LSAMP: variants seen among roughly 807,000 people sequenced by gnomAD.
LSAMP encodes limbic system-associated membrane protein.
Under a neutral mutation model 38.6 loss-of-function variants are expected in LSAMP, and 7 were observed. That is an observed-to-expected ratio of 0.18 (90% confidence interval 0.10 to 0.34). LSAMP has a LOEUF of 0.34. Among genes scored for constraint, LSAMP ranks in the 10% least tolerant of loss-of-function variants. The probability of loss-of-function intolerance (pLI) is 1.00; values close to 1 mark genes in which losing one functional copy is unlikely to be tolerated. For synonymous variants in LSAMP, 154 were observed against 166.8 expected (o/e 0.92, Z 0.59); for missense variants, 313 against 420.0 (o/e 0.75, Z 2.23).
chr3:116,420,924 T>C (rs1192002471), intron 1 of LSAMP, among the ~76,000 whole-genome samples: 1 of 152,154 alleles, frequency 6.6e-6, no homozygotes, highest in East Asian at 1.9e-4. Context: ...AAAGCAATTA[T>C]ATAGAGGAAA....
In LSAMP at chr3:115,807,340, C is replaced by G. The variant is rs1472941470; in HGVS notation, c.*2977G>C. The G allele has an allele frequency of 6.6e-6, 1 of 152,054 alleles. No individual in the cohort carries two copies. The highest frequency in any genetic ancestry group is 1.9e-4 in the East Asian group (1 of 5,178). 9.4% of individuals were successfully genotyped at this position (152,054 alleles called of 1,614,324 possible). A position where few individuals can be genotyped will look rare whatever the true frequency, so the allele number is the denominator to read the frequency against. ...TTTTCTCTGAAACAGGAACCAGAAG[C>G]AAATTTTTAAAATTTCAAGATCCTG... On this transcript the variant is annotated 3_prime_UTR_variant, in exon 7 of 7. Coordinates refer to ENST00000490035, the MANE Select transcript of LSAMP (RefSeq NM_002338.5).
chr3:116,275,358 G>A (rs530792123), intron 1 of LSAMP, among the ~76,000 whole-genome samples: 47 of 152,054 alleles, frequency 3.1e-4, no homozygotes, highest in African/African-American at 8.0e-4. Context: ...CTGCCCCACC[G>A]CCCACATTTT....
At chr3:116,109,290 G>A (rs1473263371) in intron 1 of LSAMP, among the ~76,000 whole-genome samples, 3 of 152,196 alleles carry the variant, frequency 2.0e-5, no homozygotes, top group Non-Finnish European at 2.9e-5. Flanking sequence ...GGTGTGAGGA[G>A]GGGAGGCAAT....
intron 3 of LSAMP, among the ~76,000 whole-genome samples, chr3:116,018,796 GGAAA>G (rs1371619908): frequency 6.6e-6 from 1 of 152,086 alleles, no homozygotes; most frequent in African/African-American, 2.4e-5. Flanking sequence ...GGTGAGAAGG[GGAAA>G]GAAAGGATGT....
intron 1 of LSAMP, among the ~76,000 whole-genome samples, chr3:116,312,576 G>T (rs1042167314): frequency 6.6e-6 from 1 of 151,104 alleles, no homozygotes. Context: ...TATCATCTAT[G>T]CCTTTAACCT....
chr3:116,295,114 C>T (rs539165726), intron 1 of LSAMP, among the ~76,000 whole-genome samples: 1 of 152,162 alleles, frequency 6.6e-6, no homozygotes, highest in African/African-American at 2.4e-5. Context: ...TAAAATAGGA[C>T]ATGAAAATCA....
chr3:116,150,786 A>C (rs984978210), intron 1 of LSAMP, among the ~76,000 whole-genome samples: 2 of 152,046 alleles, frequency 1.3e-5, no homozygotes, highest in African/African-American at 4.8e-5. Flanking sequence ...AAGTTTTAAA[A>C]CAGTAAATAC....
intron 1 of LSAMP, among the ~76,000 whole-genome samples, chr3:116,352,948 T>C (rs1409452571): frequency 4.6e-5 from 7 of 152,154 alleles, no homozygotes; most frequent in Non-Finnish European, 8.8e-5. Context: ...CTTCTTTTTC[T>C]AAAATGTAGA....
chr3:115,953,318 T>C (rs1260008302), intron 3 of LSAMP, among the ~76,000 whole-genome samples: 2 of 152,026 alleles, frequency 1.3e-5, no homozygotes, highest in African/African-American at 4.8e-5. Context: ...CATGAATGTA[T>C]GTATGCAGTA....
chr3:115,863,991 G>A (rs6763869), intron 3 of LSAMP, among the ~76,000 whole-genome samples: 28,877 of 151,984 alleles, frequency 0.19, 3,552 homozygotes, highest in African/African-American at 0.33. Context: ...TTCTAATTAG[G>A]TGGACAAAAA....
At chr3:115,866,222 TCCTCATTTG>T (rs1001880804) in intron 3 of LSAMP, among the ~76,000 whole-genome samples, 102 of 152,260 alleles carry the variant, frequency 6.7e-4, no homozygotes, top group African/African-American at 2.3e-3. Flanking sequence ...CTGAGATTGA[TCCTCATTTG>T]CCTACCAGTT....
intron 4 of LSAMP, among the ~76,000 whole-genome samples, chr3:115,852,169 G>C (rs1935353382): frequency 6.6e-6 from 1 of 152,186 alleles, no homozygotes; most frequent in South Asian, 2.1e-4. Context: ...AAAGTAGTAT[G>C]ACCTTGATTT....
chr3:115,936,044 C>T (rs1937687955), intron 3 of LSAMP, among the ~76,000 whole-genome samples: 1 of 152,160 alleles, frequency 6.6e-6, no homozygotes, highest in African/African-American at 2.4e-5. Flanking sequence ...TTCTTGAACA[C>T]CCATAAGCCA....
chr3:116,003,340 T>C (rs1365201919), intron 3 of LSAMP, among the ~76,000 whole-genome samples: 1 of 152,174 alleles, frequency 6.6e-6, no homozygotes, highest in Admixed American at 6.6e-5. Flanking sequence ...TTGTGTAGTA[T>C]AGAAAATCTC....
At chr3:116,382,603 T>G (rs1559848452) in intron 1 of LSAMP, among the ~76,000 whole-genome samples, 2 of 151,834 alleles carry the variant, frequency 1.3e-5, no homozygotes, top group Non-Finnish European at 2.9e-5. Context: ...TGCATACATA[T>G]GTAACAAACC....
chr3:115,966,460 A>G (rs905940098), intron 3 of LSAMP, among the ~76,000 whole-genome samples: 1 of 152,182 alleles, frequency 6.6e-6, no homozygotes, highest in Admixed American at 6.5e-5. Flanking sequence ...ACCACATTAG[A>G]AAAAGATTTG....
chr3:116,375,576 T>A (rs2048484620), intron 1 of LSAMP, among the ~76,000 whole-genome samples: 1 of 151,892 alleles, frequency 6.6e-6, no homozygotes, highest in African/African-American at 2.4e-5. Flanking sequence ...ATAGTATACA[T>A]AAAATATTGC....
chr3:116,128,414 G>T (rs1400645589), intron 1 of LSAMP, among the ~76,000 whole-genome samples: 1 of 152,134 alleles, frequency 6.6e-6, no homozygotes, highest in Non-Finnish European at 1.5e-5. Flanking sequence ...TTAGAAGTTG[G>T]TAGAACAATT....
chr3:115,866,256 C>G (rs1273647014), intron 3 of LSAMP, among the ~76,000 whole-genome samples: 1 of 152,128 alleles, frequency 6.6e-6, no homozygotes. Flanking sequence ...ACACTAGATT[C>G]ATGACAAAAG....
Sources: gnomAD v4.1 joint callset for allele counts (sites outside exome capture counted in the v4.1 genomes callset) on GRCh38, gnomAD v4.1.1 for gene constraint, MANE v1.5 for transcripts, NCBI Gene and HGNC (gene_info 2026-07-23, HGNC 2026-07-21) for gene names.